EPHA4: variants seen among roughly 807,000 people sequenced by gnomAD.
EPHA4 encodes the protein ephrin type-A receptor 4.
In EPHA4, 19 loss-of-function variants were observed where a neutral mutation model predicts 108.3. That is an observed-to-expected ratio of 0.18 (90% CI 0.12 to 0.26). EPHA4 has a LOEUF of 0.26. Among genes scored for constraint, EPHA4 ranks in the 10% least tolerant of loss-of-function variants. The probability of loss-of-function intolerance (pLI) is 1.00; values close to 1 mark genes in which losing one functional copy is unlikely to be tolerated. For synonymous variants in EPHA4, 449 were observed against 455.5 expected (o/e 0.99, Z 0.18); for missense variants, 917 against 1,254.0 (o/e 0.73, Z 4.06).
chr2:221,437,848 G>A (rs1347196268), intron 11 of EPHA4, among the ~76,000 whole-genome samples: 4 of 152,030 alleles, frequency 2.6e-5, no homozygotes, highest in Non-Finnish European at 4.4e-5. Context: ...GCTTGAACTC[G>A]GGAGGCCAAG....
At chr2:221,446,004 GAATA>G (rs1690582564) in intron 9 of EPHA4, 115 bp downstream of exon 9, 2 of 464,854 alleles carry the variant, frequency 4.3e-6, no homozygotes, top group Non-Finnish European at 6.9e-6. Context: ...TTGGGATAAG[GAATA>G]AATATATTAT....
At chr2:221,489,151 C>G (rs1421886022) in intron 4 of EPHA4, among the ~76,000 whole-genome samples, 3 of 152,180 alleles carry the variant, frequency 2.0e-5, no homozygotes, top group Admixed American at 6.5e-5. Flanking sequence ...CCTATGTACT[C>G]TACCTCACAC....
chr2:221,456,259 T>C (rs1290788809), intron 7 of EPHA4, among the ~76,000 whole-genome samples: 1 of 152,150 alleles, frequency 6.6e-6, no homozygotes, highest in African/African-American at 2.4e-5. Flanking sequence ...TTCTTTAATC[T>C]TCTCAGGGAG....
At chr2:221,570,924 C>T (rs1044570757) in intron 1 of EPHA4, among the ~76,000 whole-genome samples, 1 of 151,820 alleles carries the variant, frequency 6.6e-6, no homozygotes, top group African/African-American at 2.4e-5. Flanking sequence ...GACGGATGGA[C>T]GGACGGATAG....
At chr2:221,524,476 T>C (rs542470116) in intron 3 of EPHA4, among the ~76,000 whole-genome samples, 5 of 152,330 alleles carry the variant, frequency 3.3e-5, no homozygotes, top group African/African-American at 1.2e-4. Context: ...TGTTACATCT[T>C]AGTAGAAGTC....
At chr2:221,487,567 A>T (rs1692014755) in intron 4 of EPHA4, among the ~76,000 whole-genome samples, 1 of 152,224 alleles carries the variant, frequency 6.6e-6, no homozygotes, top group African/African-American at 2.4e-5. Flanking sequence ...TTTCCATATT[A>T]GTCTTTATGG....
chr2:221,529,033 G>T (rs1221711246), intron 3 of EPHA4, among the ~76,000 whole-genome samples: 3 of 151,968 alleles, frequency 2.0e-5, no homozygotes, highest in African/African-American at 7.3e-5. Flanking sequence ...AAGTTTTAAA[G>T]AAAAATTTTA....
At chr2:221,429,439 C>G (rs1219287862) in intron 15 of EPHA4, among the ~76,000 whole-genome samples, 8 of 152,256 alleles carry the variant, frequency 5.3e-5, no homozygotes, top group African/African-American at 1.9e-4. Context: ...CCTATCTTGG[C>G]CCTGTTTCCT....
chr2:221,557,793 C>T (rs1226269723), intron 3 of EPHA4, among the ~76,000 whole-genome samples: 1 of 152,198 alleles, frequency 6.6e-6, no homozygotes, highest in Non-Finnish European at 1.5e-5. Flanking sequence ...TGAAACATAA[C>T]TCCACCAAAT....
rs780950065 is a variant in EPHA4, at chr2:221,482,453, T to C, written c.1217A>G (p.His406Arg). The C allele has an allele frequency of 6.2e-7, 1 of 1,610,514 alleles. No individual in the cohort carries two copies. The highest frequency in any genetic ancestry group is 2.2e-5 in the East Asian group (1 of 44,832). ...CCAGATTTCAAAGGTGTAATTGGTA[T>C]GAGCTAGGAGGTCAGTGATGGAGAC... ...TKVSITDLLA[H>R]TNYTFEIWAV... Residue 406 changes from histidine (H) to arginine (R), a missense_variant, in exon 5 of 18, where the codon CAT becomes CGT. Transcript: ENST00000281821.
chr2:221,473,073 G>C (rs1192276008), intron 5 of EPHA4, among the ~76,000 whole-genome samples: 1 of 152,160 alleles, frequency 6.6e-6, no homozygotes, highest in Non-Finnish European at 1.5e-5. Flanking sequence ...AGGAAGCCAA[G>C]GGGTTCACTA....
At chr2:221,566,878 G>GAAGT (rs1311755651) in intron 2 of EPHA4, among the ~76,000 whole-genome samples, 34 of 28,262 alleles carry the variant, frequency 1.2e-3, no homozygotes, top group Admixed American at 1.8e-3. Flanking sequence ...GAAGAAGAAG[G>GAAGT]AGAAGGAGAA....
intron 3 of EPHA4, among the ~76,000 whole-genome samples, chr2:221,527,087 G>A (rs984614007): frequency 3.3e-5 from 5 of 152,070 alleles, no homozygotes; most frequent in African/African-American, 4.8e-5. Flanking sequence ...TCGCGCCACT[G>A]CACTCCATCC....
At chr2:221,469,523 C>A (rs1028512548) in intron 5 of EPHA4, among the ~76,000 whole-genome samples, 2 of 152,110 alleles carry the variant, frequency 1.3e-5, no homozygotes, top group Non-Finnish European at 2.9e-5. Context: ...GAGACAAGTA[C>A]AATATTTGCA....
intron 8 of EPHA4, among the ~76,000 whole-genome samples, chr2:221,447,680 CT>C (rs1011314521): frequency 6.6e-6 from 1 of 152,066 alleles, no homozygotes; most frequent in African/African-American, 2.4e-5. Context: ...ATATTATCTC[CT>C]TCCCTAACTG....
chr2:221,451,895 G>C (rs1472652730), intron 8 of EPHA4, among the ~76,000 whole-genome samples: 2 of 152,148 alleles, frequency 1.3e-5, no homozygotes, highest in African/African-American at 2.4e-5. Flanking sequence ...GAAAAAAGTA[G>C]ATCTCGCTGA....
intron 9 of EPHA4, among the ~76,000 whole-genome samples, chr2:221,444,997 A>T (rs1690549061): frequency 6.6e-6 from 1 of 151,944 alleles, no homozygotes; most frequent in Admixed American, 6.6e-5. Context: ...ATCTCAAGTG[A>T]TCTGCCCTCC....
At chr2:221,526,261 A>G (rs1015776298) in intron 3 of EPHA4, among the ~76,000 whole-genome samples, 3 of 151,874 alleles carry the variant, frequency 2.0e-5, no homozygotes, top group Non-Finnish European at 4.4e-5. Flanking sequence ...CATACTAAAT[A>G]TATAAGACAC....
intron 9 of EPHA4, among the ~76,000 whole-genome samples, chr2:221,444,391 C>CA (rs1559243291): frequency 6.6e-6 from 1 of 152,162 alleles, no homozygotes; most frequent in African/African-American, 2.4e-5. Context: ...CTGGCACTTG[C>CA]ACCTCTCCCT....
Sources: allele counts gnomAD v4.1 joint callset (sites outside exome capture counted in the v4.1 genomes callset), GRCh38; gene constraint gnomAD v4.1.1; transcripts MANE v1.5; gene names NCBI Gene and HGNC (gene_info 2026-07-23, HGNC 2026-07-21).